Variants in TRAP1 observed in about 807,000 individuals in gnomAD.
The protein encoded by TRAP1 is heat shock protein 75 kDa, mitochondrial.
In TRAP1, 102 loss-of-function variants were observed where a neutral mutation model predicts 89.1. The ratio of observed to expected loss-of-function variants is 1.15; its 90% CI spans 0.98 to 1.35. The LOEUF (loss-of-function observed/expected upper bound fraction) is 1.35. Ranked by LOEUF, TRAP1 falls within the 40% of genes most tolerant of loss-of-function variation. The pLI, the probability that TRAP1 is intolerant of heterozygous loss-of-function variation, is 0.00. For missense variants in TRAP1, 1,256 were observed against 945.3 expected, an observed-to-expected ratio of 1.33 and a Z score of -4.31; for synonymous variants, 508 against 388.0, an observed-to-expected ratio of 1.31 and a Z score of -3.64.
At chr16:3,697,853 A>G (rs2051310660) in intron 1 of TRAP1, among the ~76,000 whole-genome samples, 1 of 150,130 alleles carries the variant, frequency 6.7e-6, no homozygotes, top group Non-Finnish European at 1.5e-5. Context: ...AAATGGCGTG[A>G]TCTCGGCTCA....
intron 1 of TRAP1, among the ~76,000 whole-genome samples, chr16:3,707,740 G>C (rs1388478739): frequency 6.6e-6 from 1 of 151,390 alleles, no homozygotes; most frequent in Non-Finnish European, 1.5e-5. Flanking sequence ...TGTAATCCCA[G>C]CTACTCCAGA....
At chr16:3,696,488 T>C (rs2051289200) in intron 1 of TRAP1, among the ~76,000 whole-genome samples, 1 of 152,040 alleles carries the variant, frequency 6.6e-6, no homozygotes, top group Non-Finnish European at 1.5e-5. Flanking sequence ...TTCCAATGAA[T>C]AAACACAAGG....
chr16:3,685,940 T>A, intron 4 of TRAP1, 56 bp downstream of exon 4: 1 of 1,590,710 alleles, frequency 6.3e-7, no homozygotes, highest in South Asian at 1.1e-5. Flanking sequence ...AGAAGGCGGA[T>A]CCTGTCCTTG....
intron 3 of TRAP1, among the ~76,000 whole-genome samples, chr16:3,688,221 A>G (rs2051164321): frequency 6.6e-6 from 1 of 151,876 alleles, no homozygotes; most frequent in African/African-American, 2.4e-5. Context: ...GGCTGGTCTC[A>G]GACTCCTGGA....
Position 3,705,107 on chromosome 16 carries a change from C to T in TRAP1, c.88+12314G>A, listed in dbSNP as rs540137650. On this transcript the variant is annotated intron_variant, in intron 1 of 17. Transcript: ENST00000246957. ...TGAGACGGAGTCTCGCTCTGTCGCCCAGGCTGGAGTGCAGTGGAGCCATCT... is the reference window on the plus strand; with the variant it reads ...TGAGACGGAGTCTCGCTCTGTCGCCTAGGCTGGAGTGCAGTGGAGCCATCT... Among the ~76,000 whole-genome samples, 15 of 152,268 alleles carry T rather than the reference C, an allele frequency of 9.9e-5. 1 individual carries two copies. In the South Asian group the frequency reaches 2.9e-3, roughly 29 times the overall value.
intron 16 of TRAP1, 38 bp from the exon 17 acceptor site, chr16:3,658,903 C>G (rs1451749972): frequency 1.9e-6 from 3 of 1,602,946 alleles, no homozygotes; most frequent in East Asian, 4.5e-5. Context: ...CAGCTCAGTA[C>G]CACGTGCTGT....
intron 3 of TRAP1, chr16:3,687,374 T>C (rs79848897): frequency 0.22 from 33,844 of 152,176 alleles, 3,837 homozygotes; most frequent in East Asian, 0.34. Flanking sequence ...GCTCCTTCTT[T>C]GGTAAATTGC....
intron 1 of TRAP1, among the ~76,000 whole-genome samples, chr16:3,697,272 A>G (rs984160536): frequency 2.0e-5 from 3 of 151,778 alleles, no homozygotes; most frequent in Non-Finnish European, 2.9e-5. Context: ...AATATTTCCT[A>G]TTTCCTTTTT....
intron 1 of TRAP1, among the ~76,000 whole-genome samples, chr16:3,695,604 T>A (rs141977977): frequency 8.2e-4 from 120 of 146,750 alleles, no homozygotes; most frequent in African/African-American, 2.9e-3. Context: ...AGGGCGCACA[T>A]GAACACAAAA....
chr16:3,668,085 G>A (rs545789437), intron 11 of TRAP1, among the ~76,000 whole-genome samples: 2 of 151,978 alleles, frequency 1.3e-5, no homozygotes, highest in African/African-American at 2.4e-5. Flanking sequence ...CTGCCACCAC[G>A]ACTGGCTAAA....
At chr16:3,659,638 T>G (rs2042948567) in intron 16 of TRAP1, 1 of 152,154 alleles carries the variant, frequency 6.6e-6, no homozygotes, top group African/African-American at 2.4e-5. Flanking sequence ...GAACTGTAAA[T>G]TTGTACAACC....
At chr16:3,715,609 G>A (rs1312749698) in intron 1 of TRAP1, among the ~76,000 whole-genome samples, 1 of 151,930 alleles carries the variant, frequency 6.6e-6, no homozygotes, top group African/African-American at 2.4e-5. Context: ...AACCTCCAAG[G>A]GGGAAAAAAC....
intron 15 of TRAP1, chr16:3,662,657 C>T: frequency 1.5e-6 from 1 of 686,078 alleles, no homozygotes; most frequent in Non-Finnish European, 2.7e-6. Context: ...TCTCAGTTCA[C>T]ACCTGCTCTG....
chr16:3,674,275 G>A (rs145272932), intron 9 of TRAP1, 64 bp downstream of exon 9: 4 of 1,579,080 alleles, frequency 2.5e-6, no homozygotes, highest in East Asian at 2.2e-5. Context: ...GACATCTGCA[G>A]AGCTGATGCC....
rs76208592 is a variant in TRAP1 at position 3,671,571 on chromosome 16, A to C, written c.1235+151T>G. 1.2e-3 allele frequency: 910 copies of C among 735,532 alleles called. 3 individuals carry two copies. The African/African-American group carries it at 0.014, about 11-fold the overall frequency. 45.6% of individuals were successfully genotyped at this position (735,532 alleles called of 1,614,324 possible). On this transcript the variant is annotated intron_variant, in intron 11 of 17. Coordinates refer to ENST00000246957, the MANE Select transcript of TRAP1 (RefSeq NM_016292.3). ...CTTCAGAGGCCAGGCCAGCACCTGG[A>C]AGGCTCCTGAGGGCCCCCATGTGCA...
intron 1 of TRAP1, among the ~76,000 whole-genome samples, chr16:3,703,049 A>G (rs944122694): frequency 1.6e-4 from 24 of 147,384 alleles, no homozygotes; most frequent in Non-Finnish European, 2.7e-4. Context: ...TCTTGAAAAA[A>G]AAAAAAAAAA....
Position 3,679,905 on chromosome 16 carries a change from G to C in TRAP1, c.472-115C>G, listed in dbSNP as rs576921365. 1.8e-5 allele frequency: 16 copies of C among 912,660 alleles called. No homozygotes were observed. In the East Asian group the frequency reaches 4.2e-4, roughly 24 times the overall value. 56.5% of individuals were successfully genotyped at this position (912,660 alleles called of 1,614,324 possible). On this transcript the variant is annotated intron_variant, in intron 4 of 17. Coordinates refer to ENST00000246957, the MANE Select transcript of TRAP1 (RefSeq NM_016292.3). ...AATGACATTGGCCAGACAGGGCCCA[G>C]CCAGGTAGCACCAGATGCTCATCAG...
At chr16:3,696,723 A>AG (rs1308119224) in intron 1 of TRAP1, among the ~76,000 whole-genome samples, 1 of 149,912 alleles carries the variant, frequency 6.7e-6, no homozygotes, top group African/African-American at 2.5e-5. Flanking sequence ...ACTCCTAGCT[A>AG]ATTTTTTTTT....
At chr16:3,678,508 G>C (rs1418753548) in intron 5 of TRAP1, 2 of 152,260 alleles carry the variant, frequency 1.3e-5, no homozygotes, top group Non-Finnish European at 2.9e-5. Flanking sequence ...CTGTCGCGCA[G>C]GCTGGAGCGC....
Sources: gnomAD v4.1 joint callset for allele counts (sites outside exome capture counted in the v4.1 genomes callset) on GRCh38, gnomAD v4.1.1 for gene constraint, MANE v1.5 for transcripts, NCBI Gene and HGNC (gene_info 2026-07-23, HGNC 2026-07-21) for gene names.